The following EYS variants were observed in gnomAD, a reference collection of about 807,000 sequenced individuals.
EYS encodes EGF-like photoreceptor maintenance factor.
EYS carries 250 observed loss-of-function variants against 282.1 expected under a neutral mutation model. That is an observed-to-expected ratio of 0.89 (90% CI 0.80 to 0.98). The LOEUF (loss-of-function observed/expected upper bound fraction) is 0.98. Ranked by LOEUF, EYS falls within the 50% of genes least tolerant of loss-of-function variation. EYS has a pLI of 0.00. For synonymous variants in EYS, 1,355 were observed against 1,282.9 expected (o/e 1.06, Z -1.20); for missense variants, 4,016 against 3,709.0 (o/e 1.08, Z -2.15).
chr6:64,710,300 A>G (rs903957058), intron 22 of EYS, among the ~76,000 whole-genome samples: 8 of 152,210 alleles, frequency 5.3e-5, no homozygotes, highest in African/African-American at 1.9e-4. Context: ...TGTTCATAGT[A>G]ACCCTGTATC....
chr6:65,672,199 C>T (rs985656870), intron 1 of EYS, among the ~76,000 whole-genome samples: 4 of 152,064 alleles, frequency 2.6e-5, no homozygotes, highest in African/African-American at 9.7e-5. Context: ...TTCTGACTTT[C>T]GGGAGGAGCT....
intron 26 of EYS, among the ~76,000 whole-genome samples, chr6:64,464,500 T>C (rs1386105354): frequency 6.6e-6 from 1 of 152,034 alleles, no homozygotes; most frequent in Non-Finnish European, 1.5e-5. Context: ...AATAGTTAAA[T>C]TGTCCCTGTT....
chr6:64,550,481 C>T (rs191071370), intron 26 of EYS, among the ~76,000 whole-genome samples: 9 of 152,204 alleles, frequency 5.9e-5, no homozygotes, highest in Non-Finnish European at 1.3e-4. Context: ...ATTTAGCTAT[C>T]GATGACAAAT....
At chr6:64,295,974 CAA>C (rs1356052567) in intron 30 of EYS, among the ~76,000 whole-genome samples, 1 of 152,004 alleles carries the variant, frequency 6.6e-6, no homozygotes, top group Admixed American at 6.6e-5. Context: ...CTGAATAACT[CAA>C]GAGACCAATA....
chr6:64,692,730 C>T (rs1268849876), intron 22 of EYS, among the ~76,000 whole-genome samples: 1 of 152,148 alleles, frequency 6.6e-6, no homozygotes, highest in African/African-American at 2.4e-5. Context: ...ATCCCAGCAT[C>T]ATTTATTGAA....
intron 22 of EYS, among the ~76,000 whole-genome samples, chr6:64,809,697 T>C (rs1325573820): frequency 6.6e-6 from 1 of 152,018 alleles, no homozygotes; most frequent in Non-Finnish European, 1.5e-5. Context: ...CTGGAAGCCA[T>C]GATCCTAAAT....
chr6:64,804,304 A>G (rs1486594046), intron 22 of EYS, among the ~76,000 whole-genome samples: 2 of 152,238 alleles, frequency 1.3e-5, no homozygotes, highest in Admixed American at 6.5e-5. Flanking sequence ...AATTAACAGT[A>G]AAGATAGTAG....
At chr6:64,232,651 C>A (rs552641278) in intron 30 of EYS, among the ~76,000 whole-genome samples, 9 of 152,240 alleles carry the variant, frequency 5.9e-5, no homozygotes, top group African/African-American at 2.2e-4. Flanking sequence ...TCGGCCCCCC[C>A]AGAGCATTGG....
At chr6:64,147,851 C>A (rs1040518866) in intron 31 of EYS, among the ~76,000 whole-genome samples, 1 of 152,132 alleles carries the variant, frequency 6.6e-6, no homozygotes, top group Non-Finnish European at 1.5e-5. Context: ...GTTTAGTTAC[C>A]AGATGGAGTG....
At chr6:64,431,421 A>G (rs71570678) in intron 28 of EYS, among the ~76,000 whole-genome samples, 1 of 152,154 alleles carries the variant, frequency 6.6e-6, no homozygotes, top group Non-Finnish European at 1.5e-5. Flanking sequence ...ACTTCAATGC[A>G]TAAATTTTGT....
chr6:64,609,840 T>G (rs924763088), intron 24 of EYS, among the ~76,000 whole-genome samples: 1 of 151,972 alleles, frequency 6.6e-6, no homozygotes, highest in South Asian at 2.1e-4. Context: ...TGAGCTATCA[T>G]CATGTCACTG....
intron 12 of EYS, among the ~76,000 whole-genome samples, chr6:65,265,700 G>A (rs772347392): frequency 6.6e-6 from 1 of 151,960 alleles, no homozygotes; most frequent in Non-Finnish European, 1.5e-5. Context: ...ACTTTGTGGG[G>A]AAGTGAATTT....
At chr6:64,853,899 A>C (rs9363276) in intron 19 of EYS, among the ~76,000 whole-genome samples, 22,627 of 151,222 alleles carry the variant, frequency 0.15, 1,905 homozygotes, top group East Asian at 0.42. Context: ...AAACAAATTT[A>C]CAAGAAAAAA....
chr6:65,632,996 A>G lies in EYS; in HGVS notation c.-333+6782T>C, dbSNP rs531455516. ...TAAAAGCCTCAATGTTACACAGCAAATATGTCTATCTACAGAAATTTATTA... is the reference window on the plus strand; with the variant it reads ...TAAAAGCCTCAATGTTACACAGCAAGTATGTCTATCTACAGAAATTTATTA... On this transcript the variant is annotated intron_variant, in intron 2 of 42. Coordinates refer to ENST00000503581, the MANE Select transcript of EYS (RefSeq NM_001142800.2). Among the ~76,000 whole-genome samples the G allele has an allele frequency of 2.6e-5, 4 of 152,268 alleles. No individual in the cohort carries two copies. In the East Asian group the frequency reaches 7.7e-4, roughly 29 times the overall value.
At chr6:65,003,963 G>A (rs1037676403) in intron 13 of EYS, among the ~76,000 whole-genome samples, 7 of 146,954 alleles carry the variant, frequency 4.8e-5, no homozygotes, top group Non-Finnish European at 9.1e-5. Context: ...TTCTTCCACA[G>A]AAAAATCCAT....
chr6:65,563,550 C>T (rs1264994075), intron 2 of EYS, among the ~76,000 whole-genome samples: 2 of 152,002 alleles, frequency 1.3e-5, no homozygotes, highest in Non-Finnish European at 2.9e-5. Flanking sequence ...TTAAGACTAT[C>T]AATCTCCAAA....
At chr6:65,616,607 G>A (rs1766206256) in intron 2 of EYS, among the ~76,000 whole-genome samples, 1 of 152,004 alleles carries the variant, frequency 6.6e-6, no homozygotes, top group Non-Finnish European at 1.5e-5. Context: ...CCAAAATGGT[G>A]AAACCCCGTG....
At chr6:63,997,566 C>A (rs183138519) in intron 34 of EYS, among the ~76,000 whole-genome samples, 1 of 152,190 alleles carries the variant, frequency 6.6e-6, no homozygotes, top group African/African-American at 2.4e-5. Flanking sequence ...TACATGCATT[C>A]TCTCTTTACC....
At chr6:65,086,346 A>G (rs1268850979) in intron 12 of EYS, among the ~76,000 whole-genome samples, 1 of 152,050 alleles carries the variant, frequency 6.6e-6, no homozygotes, top group African/African-American at 2.4e-5. Context: ...AAAGAAGACT[A>G]CAGCTTACAT....
Sources: gnomAD v4.1 joint callset for allele counts (sites outside exome capture counted in the v4.1 genomes callset) on GRCh38, gnomAD v4.1.1 for gene constraint, MANE v1.5 for transcripts, NCBI Gene and HGNC (gene_info 2026-07-23, HGNC 2026-07-21) for gene names.